The following JHY variants were observed in gnomAD, a reference collection of about 807,000 sequenced individuals.
JHY encodes the protein jhy protein homolog.
In JHY, 69 loss-of-function variants were observed where a neutral mutation model predicts 78.0. That is an observed-to-expected ratio of 0.88 (90% CI 0.73 to 1.08). JHY has a LOEUF of 1.08. Ranked by LOEUF, JHY falls within the 50% of genes least tolerant of loss-of-function variation. The pLI is 0.00. For synonymous variants in JHY, 368 were observed against 342.6 expected, an observed-to-expected ratio of 1.07 and a Z score of -0.82; for missense variants, 944 against 927.8, an observed-to-expected ratio of 1.02 and a Z score of -0.23.
At chr11:122,884,188 A>C (rs2135272845) in intron 1 of JHY, among the ~76,000 whole-genome samples, 1 of 152,356 alleles carries the variant, frequency 6.6e-6, no homozygotes, top group East Asian at 1.9e-4. Flanking sequence ...TTCAATAGAA[A>C]ACTCACTTCG....
At chr11:122,890,979 T>G (rs1320719431) in intron 2 of JHY, among the ~76,000 whole-genome samples, 1 of 152,196 alleles carries the variant, frequency 6.6e-6, no homozygotes, top group Non-Finnish European at 1.5e-5. Flanking sequence ...AAGCATTTCA[T>G]TACTGGTCCC....
chr11:122,928,117 G>A (rs1374621521), intron 4 of JHY, among the ~76,000 whole-genome samples: 1 of 152,082 alleles, frequency 6.6e-6, no homozygotes, highest in Non-Finnish European at 1.5e-5. Context: ...TTTGCCCAAG[G>A]CTGATGCTCA....
chr11:122,930,327 G>A (rs1434843523), intron 4 of JHY, among the ~76,000 whole-genome samples: 1 of 152,034 alleles, frequency 6.6e-6, no homozygotes, highest in African/African-American at 2.4e-5. Context: ...TGATCCACCC[G>A]CCTCTACCTC....
intron 6 of JHY, among the ~76,000 whole-genome samples, chr11:122,947,983 C>T (rs947439387): frequency 1.3e-5 from 2 of 152,086 alleles, no homozygotes; most frequent in Non-Finnish European, 1.5e-5. Context: ...CACAGCAGCT[C>T]CACGTGGCTG....
At chr11:122,956,905 A>C (rs1440569913) in intron 7 of JHY, among the ~76,000 whole-genome samples, 1 of 152,136 alleles carries the variant, frequency 6.6e-6, no homozygotes, top group African/African-American at 2.4e-5. Flanking sequence ...AATTGTGAAG[A>C]GTGGCCACAG....
Position 122,895,652 on chromosome 11 carries a change from G to C in JHY, c.345-8273G>C, listed in dbSNP as rs376337660. ...TTCTAACCTAGGCATCTGAAGAGCA[G>C]ACTCTGCATCTGCTGTCTGAACAGT... On this transcript the variant is annotated intron_variant, in intron 2 of 8. Coordinates refer to ENST00000227349, the MANE Select transcript of JHY (RefSeq NM_024806.4). Among the ~76,000 whole-genome samples the C allele has an allele frequency of 3.5e-3, 527 of 152,300 alleles. 14 individuals carry two copies. Among genetic ancestry groups the C allele is most frequent in the South Asian group, 0.026 (125 of 4,826 alleles).
intron 8 of JHY, among the ~76,000 whole-genome samples, chr11:122,958,459 C>T (rs1282863257): frequency 6.6e-6 from 1 of 151,832 alleles, no homozygotes; most frequent in East Asian, 1.9e-4. Flanking sequence ...TGAAGAGTTT[C>T]AAGGCAACAA....
At chr11:122,892,932 A>G (rs1032007560) in intron 2 of JHY, among the ~76,000 whole-genome samples, 1 of 152,222 alleles carries the variant, frequency 6.6e-6, no homozygotes, top group Non-Finnish European at 1.5e-5. Context: ...TAGGAGATTA[A>G]AGAAGCATCT....
intron 5 of JHY, among the ~76,000 whole-genome samples, chr11:122,939,468 T>A (rs778101504): frequency 6.6e-6 from 1 of 152,158 alleles, no homozygotes. Flanking sequence ...GCTAAGATAG[T>A]TACCATTCAA....
rs1864215500 is a variant in JHY, at chr11:122,957,425, A to G, written c.2073A>G (p.Thr691=). The part of the protein sequence containing the change: ...AKQVKEYNMK[T]LSILSKPQTE... ...AAGTCAAGGAGTACAACATGAAGAC[A>G]CTATCCATTCTATCAAAACCACAAA... is the stretch of plus-strand genomic sequence containing the variant. The change falls in exon 8 of 9, where the codon ACA becomes ACG. Residue 691 remains threonine, a synonymous_variant. Coordinates refer to ENST00000227349, the MANE Select transcript of JHY (RefSeq NM_024806.4). 1 of 1,537,604 alleles carries G rather than the reference A, an allele frequency of 6.5e-7. No individual in the cohort carries two copies. The highest frequency in any genetic ancestry group is 8.7e-7 in the Non-Finnish European group (1 of 1,153,946).
At chr11:122,905,273 C>T in intron 3 of JHY, 2 of 1,613,326 alleles carry the variant, frequency 1.2e-6, no homozygotes, top group Non-Finnish European at 1.7e-6. Context: ...ACCTTCCTGC[C>T]CACCTCCTAT....
At chr11:122,884,595 C>A (rs2135273510) in intron 1 of JHY, among the ~76,000 whole-genome samples, 1 of 152,118 alleles carries the variant, frequency 6.6e-6, no homozygotes, top group East Asian at 1.9e-4. Flanking sequence ...TTATAATGAC[C>A]CTTACAGACA....
chr11:122,958,617 C>A, intron 8 of JHY: 1 of 594,778 alleles, frequency 1.7e-6, no homozygotes, highest in Non-Finnish European at 2.1e-6. Context: ...CAACATCTTA[C>A]TAAAATGCAA....
chr11:122,938,597 G>A (rs1176522452), intron 5 of JHY, among the ~76,000 whole-genome samples: 2 of 151,990 alleles, frequency 1.3e-5, no homozygotes, highest in Non-Finnish European at 2.9e-5. Flanking sequence ...TTTCCTCTAG[G>A]TCTTTGTCAG....
At chr11:122,890,499 G>A (rs1224372104) in intron 2 of JHY, among the ~76,000 whole-genome samples, 1 of 152,110 alleles carries the variant, frequency 6.6e-6, no homozygotes, top group Non-Finnish European at 1.5e-5. Flanking sequence ...CCACTGGAAA[G>A]GAAACATCTG....
chr11:122,905,537 T>C, intron 3 of JHY: 1 of 1,090,990 alleles, frequency 9.2e-7, no homozygotes, highest in Non-Finnish European at 1.1e-6. Flanking sequence ...TGGATGAACA[T>C]TTGTGGCTTT....
At chr11:122,922,153 C>G (rs1863380316) in intron 3 of JHY, among the ~76,000 whole-genome samples, 1 of 152,114 alleles carries the variant, frequency 6.6e-6, no homozygotes, top group African/African-American at 2.4e-5. Flanking sequence ...ATCAAACAGT[C>G]CATTTTTGTT....
chr11:122,893,364 G>T (rs190494935), intron 2 of JHY, among the ~76,000 whole-genome samples: 12 of 152,268 alleles, frequency 7.9e-5, no homozygotes, highest in Admixed American at 2.0e-4. Flanking sequence ...TAAAGGGTGT[G>T]CATGGGCATG....
chr11:122,925,441 C>G (rs965310930), intron 4 of JHY, among the ~76,000 whole-genome samples: 6 of 152,176 alleles, frequency 3.9e-5, no homozygotes, highest in African/African-American at 1.4e-4. Context: ...AGAGCCTCAC[C>G]AAACCCTCAT....
Sources: allele counts gnomAD v4.1 joint callset (sites outside exome capture counted in the v4.1 genomes callset), GRCh38; gene constraint gnomAD v4.1.1; transcripts MANE v1.5; gene names NCBI Gene and HGNC (gene_info 2026-07-23, HGNC 2026-07-21).